The following LCMT2 variants were observed in gnomAD, a reference collection of about 807,000 sequenced individuals.
The protein encoded by LCMT2 is leucine carboxyl methyltransferase 2.
In LCMT2, 34 loss-of-function variants were observed where a neutral mutation model predicts 42.0. The ratio of observed to expected loss-of-function variants is 0.81; its 90% CI spans 0.62 to 1.08. The LOEUF is 1.08. LCMT2 is among the 50% of genes least tolerant of loss of function. LCMT2 has a pLI of 0.00. For synonymous variants in LCMT2, 445 were observed against 369.5 expected, an observed-to-expected ratio of 1.20 and a Z score of -2.34; for missense variants, 1,091 against 889.4, an observed-to-expected ratio of 1.23 and a Z score of -2.88.
chr15:43,329,596 C>G lies in LCMT2; in HGVS notation c.894G>C (p.Glu298Asp). The G allele has an allele frequency of 6.2e-7, 1 of 1,614,178 alleles. No individual in the cohort carries two copies. Among genetic ancestry groups the G allele is most frequent in the Non-Finnish European group, 8.5e-7 (1 of 1,180,032 alleles). Residue 298 changes from glutamate to aspartate, a missense_variant, in exon 1 of 1, where the codon GAG becomes GAC. Transcript: ENST00000305641. ...AATAATGGGCGCACTTCAGATGCCA[C>G]TCCTCAAATTCGTCAAAGGGTTCAA... ...ENIEPFDEFEEWHLKCAHYFI... is the reference protein window; with the variant it reads ...ENIEPFDEFEDWHLKCAHYFI...
Position 43,327,963 on chromosome 15 carries a change from C to CGG in LCMT2, c.*465_*466insCC. 1 of 159,798 alleles carries CGG rather than the reference C, an allele frequency of 6.3e-6. No homozygotes were observed. Among genetic ancestry groups the CGG allele is most frequent in the Admixed American group, 5.8e-5 (1 of 17,132 alleles). The allele number at this position is 159,798 out of a possible 1,614,324, so 9.9% of individuals were successfully genotyped here. ...AATCAAACTGTGACTGTGTTCATTTCAGGTTTCCTACATGAAGAATTGTCA... is the reference window on the plus strand; with the variant it reads ...AATCAAACTGTGACTGTGTTCATTTCGGAGGTTTCCTACATGAAGAATTGTCA... On this transcript the variant is annotated 3_prime_UTR_variant, in exon 1 of 1. Coordinates refer to ENST00000305641, the MANE Select transcript of LCMT2 (RefSeq NM_014793.5).
Position 43,329,410 on chromosome 15 carries a change from G to A in LCMT2, c.1080C>T (p.His360=), listed in dbSNP as rs752412755. Residue 360 remains histidine, a synonymous_variant, in exon 1 of 1, where the codon CAC becomes CAT. Transcript: ENST00000305641. ...GQVPNLKRYG[H]ASVFLSPDVI... ...CGTCTGGGCTCAAGAAGACAGAGGC[G>A]TGGCCATATCTCTTCAGGTTTGGGA... 6.2e-7 allele frequency: 1 copy of A among 1,614,098 alleles called. No individual in the cohort carries two copies. Among genetic ancestry groups the A allele is most frequent in the Non-Finnish European group, 8.5e-7 (1 of 1,180,032 alleles).
At position 43,324,285 on chromosome 15, in the gene LCMT2, A is replaced by G. The variant is rs1172609730; in HGVS notation, c.*4144T>C. 6.6e-6 allele frequency: 1 copy of G among 152,072 alleles called. No homozygotes were observed. Among genetic ancestry groups the G allele is most frequent in the Non-Finnish European group, 1.5e-5 (1 of 68,028 alleles). 9.4% of individuals were successfully genotyped at this position (152,072 alleles called of 1,614,324 possible). ...ACTGAAGTTAAAAGGCTTAATCTTA[A>G]AGTCAAACTAGACATTATTGGACTG... On this transcript the variant is annotated 3_prime_UTR_variant, in exon 1 of 1. Transcript: ENST00000305641.
At position 43,328,398 on chromosome 15, in the gene LCMT2, C is replaced by G; in HGVS notation, c.*31G>C. On this transcript the variant is annotated 3_prime_UTR_variant, in exon 1 of 1. Transcript: ENST00000305641. ...TATTTGTGGAAAACTTTATTGTCTA[C>G]TTTAGTGGGTCCTGAATATTAGTCC... is the stretch of plus-strand genomic sequence containing the variant. 1 of 1,587,746 alleles carries G rather than the reference C, an allele frequency of 6.3e-7. No homozygotes were observed. The highest frequency in any genetic ancestry group is 8.6e-7 in the Non-Finnish European group (1 of 1,167,480).
In LCMT2 at chr15:43,326,969, A is replaced by T. The variant is rs947455912; in HGVS notation, c.*1460T>A. ...TTCTAGGACTAAGAAGAAATACTAA[A>T]GTAATACACTTATTACCACCAAAGC... On this transcript the variant is annotated 3_prime_UTR_variant, in exon 1 of 1. Transcript: ENST00000305641. The T allele has an allele frequency of 6.6e-6, 1 of 152,266 alleles. No homozygotes were observed. Among genetic ancestry groups the T allele is most frequent in the African/African-American group, 2.4e-5 (1 of 41,468 alleles). The allele number at this position is 152,266 out of a possible 1,614,324, so 9.4% of individuals were successfully genotyped here. A position where few individuals can be genotyped will look rare whatever the true frequency, so the allele number is the denominator to read the frequency against.
At position 43,325,486 on chromosome 15, in the gene LCMT2, G is replaced by A. The variant is rs375805192; in HGVS notation, c.*2943C>T. ...GTGCTCTAATGAGTAGAGCTCGAGA[G>A]ATGAATAATTCCTTAACTGAGCATG... On this transcript the variant is annotated 3_prime_UTR_variant, in exon 1 of 1. Coordinates refer to ENST00000305641, the MANE Select transcript of LCMT2 (RefSeq NM_014793.5). 6.6e-6 allele frequency: 1 copy of A among 152,326 alleles called. No homozygotes were observed. Among genetic ancestry groups the A allele is most frequent in the East Asian group, 1.9e-4 (1 of 5,190 alleles). 9.4% of individuals were successfully genotyped at this position (152,326 alleles called of 1,614,324 possible).
rs375100125 is a variant in LCMT2, at chr15:43,330,068, C to G, written c.422G>C (p.Arg141Thr). The change falls in exon 1 of 1, where the codon AGG becomes ACG. Residue 141 changes from arginine (R) to threonine (T), a missense_variant. Coordinates refer to ENST00000305641, the MANE Select transcript of LCMT2 (RefSeq NM_014793.5). ...GCACAGCGCGGACGCGGGCTCCCCC[C>G]TCTCGAAAGGCCCGGTTAACGCGCA... ...ELCALTGPFE[R>T]GEPASALCFE... The G allele has an allele frequency of 2.0e-5, 33 of 1,612,208 alleles. No individual in the cohort carries two copies. Among genetic ancestry groups the G allele is most frequent in the Admixed American group, 5.0e-5 (3 of 60,010 alleles).
In LCMT2 at chr15:43,330,067, C is replaced by A. The variant is rs3742970; in HGVS notation, c.423G>T (p.Arg141Ser). The change falls in exon 1 of 1, where the codon AGG becomes AGT. Residue 141 changes from arginine (R) to serine (S), a missense_variant. Coordinates refer to ENST00000305641, the MANE Select transcript of LCMT2 (RefSeq NM_014793.5). Reference protein sequence around the residue: ...ELCALTGPFERGEPASALCFE... With the variant: ...ELCALTGPFESGEPASALCFE... The stretch of plus-strand genomic sequence containing the variant: ...AGCACAGCGCGGACGCGGGCTCCCC[C>A]CTCTCGAAAGGCCCGGTTAACGCGC... 0.087 allele frequency: 140,888 copies of A among 1,612,304 alleles called. 6,673 individuals are homozygous for A. Among genetic ancestry groups the A allele is most frequent in the East Asian group, 0.13 (6,022 of 44,846 alleles).
At position 43,326,721 on chromosome 15, in the gene LCMT2, C is replaced by T. The variant is rs1298872289; in HGVS notation, c.*1708G>A. On this transcript the variant is annotated 3_prime_UTR_variant, in exon 1 of 1. Coordinates refer to ENST00000305641, the MANE Select transcript of LCMT2 (RefSeq NM_014793.5). ...CGTGAGCCACCATGCCCAGCCTATA[C>T]CACAACCCTCATTCAGCTGGTCTCC... The T allele has an allele frequency of 6.6e-6, 1 of 152,220 alleles. No individual in the cohort carries two copies. Among genetic ancestry groups the T allele is most frequent in the African/African-American group, 2.4e-5 (1 of 41,434 alleles). The allele number at this position is 152,220 out of a possible 1,614,324, so 9.4% of individuals were successfully genotyped here.
Position 43,328,852 on chromosome 15 carries a change from G to A in LCMT2, c.1638C>T (p.Ala546=). Residue 546 remains alanine (A), a synonymous_variant, in exon 1 of 1, where the codon GCC becomes GCT. Coordinates refer to ENST00000305641, the MANE Select transcript of LCMT2 (RefSeq NM_014793.5). ...AAGCCCCGAGACCTCCAGCAATAAGGGCTCCCCCTTGCCAAGTGCAGGCAC... is the reference window on the plus strand; with the variant it reads ...AAGCCCCGAGACCTCCAGCAATAAGAGCTCCCCCTTGCCAAGTGCAGGCAC... ...SHSACTWQGG[A]LIAGGLGASE... 2 of 1,613,706 alleles carry A rather than the reference G, an allele frequency of 1.2e-6. No individual in the cohort carries two copies. Among genetic ancestry groups the A allele is most frequent in the East Asian group, 2.2e-5 (1 of 44,868 alleles).
Position 43,327,997 on chromosome 15 carries a change from C to T in LCMT2, c.*432G>A, listed in dbSNP as rs2043127372. The T allele has an allele frequency of 6.0e-6, 1 of 166,212 alleles. No homozygotes were observed. Among genetic ancestry groups the T allele is most frequent in the African/African-American group, 2.4e-5 (1 of 41,632 alleles). The allele number at this position is 166,212 out of a possible 1,614,324, so 10.3% of individuals were successfully genotyped here. On this transcript the variant is annotated 3_prime_UTR_variant, in exon 1 of 1. Transcript: ENST00000305641. ...TACATGAAGAATTGTCAATACTACG[C>T]TCCCTCAACTATATTCAACCAAGGA...
chr15:43,329,995 G>C lies in LCMT2; in HGVS notation c.495C>G (p.Leu165=), dbSNP rs759739267. 6 of 1,612,538 alleles carry C rather than the reference G, an allele frequency of 3.7e-6. No individual in the cohort carries two copies. In the South Asian group the frequency reaches 5.5e-5, roughly 15 times the overall value. Residue 165 remains leucine (L), a synonymous_variant, in exon 1 of 1, where the codon CTC becomes CTG. Coordinates refer to ENST00000305641, the MANE Select transcript of LCMT2 (RefSeq NM_014793.5). ...CGCCCAGGGCCTCCTCCACTCGCTG[G>C]AGCTGCCGCAAGTCCAGACCCAGGA... ...YCILGLDLRQ[L]QRVEEALGAA... is the part of the protein sequence containing the mutation.
rs1480319588 is a variant in LCMT2 at position 43,323,988 on chromosome 15, C to G, written c.*4441G>C. On this transcript the variant is annotated 3_prime_UTR_variant, in exon 1 of 1. Transcript: ENST00000305641. The stretch of plus-strand genomic sequence containing the variant: ...TCCTTCCCTCAGTCAAGGAACTGCC[C>G]CTTCCCAATCATGTGCTTTCTATCA... The G allele has an allele frequency of 2.0e-5, 3 of 152,136 alleles. No homozygotes were observed. The highest frequency in any genetic ancestry group is 4.4e-5 in the Non-Finnish European group (3 of 68,016). 9.4% of individuals were successfully genotyped at this position (152,136 alleles called of 1,614,324 possible). A position where few individuals can be genotyped will look rare whatever the true frequency, so the allele number is the denominator to read the frequency against.
At position 43,328,495 on chromosome 15, in the gene LCMT2, G is replaced by C. The variant is rs959767689; in HGVS notation, c.1995C>G (p.Ser665=). The C allele has an allele frequency of 6.2e-7, 1 of 1,614,170 alleles. No individual in the cohort carries two copies. The highest frequency in any genetic ancestry group is 8.5e-7 in the Non-Finnish European group (1 of 1,180,030). ...TATGGGGGTTGAAGTAGGTACCAAA[G>C]GAAAAGCAGTTCCCACCACCTCCAA... The part of the protein sequence containing the change: ...LLLGGGGNCF[S]FGTYFNPHTV... The change falls in exon 1 of 1, where the codon TCC becomes TCG. Residue 665 remains serine, a synonymous_variant. Coordinates refer to ENST00000305641, the MANE Select transcript of LCMT2 (RefSeq NM_014793.5).
At position 43,328,530 on chromosome 15, in the gene LCMT2, G is replaced by C; in HGVS notation, c.1960C>G (p.Leu654Val). 1 of 1,614,224 alleles carries C rather than the reference G, an allele frequency of 6.2e-7. No homozygotes were observed. The highest frequency in any genetic ancestry group is 8.5e-7 in the Non-Finnish European group (1 of 1,180,038). Residue 654 changes from leucine to valine, a missense_variant, in exon 1 of 1, where the codon CTC (leucine) becomes GTC (valine). By Grantham distance (32) the Leu-to-Val change is conservative (BLOSUM62 1). Coordinates refer to ENST00000305641, the MANE Select transcript of LCMT2 (RefSeq NM_014793.5). ...TTCCCACCACCTCCAAGGAGCAGGAGCTGTTGCTCTTCAGGAAGAAGGATA... is the reference window on the plus strand; with the variant it reads ...TTCCCACCACCTCCAAGGAGCAGGACCTGTTGCTCTTCAGGAAGAAGGATA... The part of the protein sequence containing the change: ...TSILLPEEQQ[L>V]LLLGGGGNCF...
rs549209395 is a variant in LCMT2, at chr15:43,330,298, C to G, written c.192G>C (p.Arg64Ser). Reference protein sequence around the residue: ...RGYYVRARAVRHCVRAFLEQI... With the variant: ...RGYYVRARAVSHCVRAFLEQI... ...GCTCCAAAAAAGCGCGCACGCAGTGCCTCACGGCGCGTGCGCGGACGTAGT... is the reference window on the plus strand; with the variant it reads ...GCTCCAAAAAAGCGCGCACGCAGTGGCTCACGGCGCGTGCGCGGACGTAGT... The change falls in exon 1 of 1, where the codon AGG (arginine) becomes AGC (serine). Residue 64 changes from arginine (R) to serine (S), a missense_variant. Physicochemically the swap from Arg to Ser is moderately radical, Grantham distance 110 (BLOSUM62 -1). Transcript: ENST00000305641. The G allele has an allele frequency of 4.4e-6, 7 of 1,593,378 alleles. No homozygotes were observed. Among genetic ancestry groups the G allele is most frequent in the Non-Finnish European group, 6.0e-6 (7 of 1,175,986 alleles).
rs1320742528 is a variant in LCMT2 at position 43,330,246 on chromosome 15, G to C, written c.244C>G (p.Arg82Gly). The C allele has an allele frequency of 1.1e-5, 18 of 1,605,822 alleles. No individual in the cohort carries two copies. Among genetic ancestry groups the C allele is most frequent in the East Asian group, 2.2e-5 (1 of 44,830 alleles). Residue 82 changes from arginine to glycine, a missense_variant, in exon 1 of 1, where the codon CGC becomes GGC. By Grantham distance (125) the Arg-to-Gly change is moderately radical. Coordinates refer to ENST00000305641, the MANE Select transcript of LCMT2 (RefSeq NM_014793.5). ...GCGCCGAGAGACAAGATCTGCGCGC[G>C]AAGCGCGGCCTGGGGCGCGCCAATC... ...EQIGAPQAAL[R>G]AQILSLGAGF... is the part of the protein sequence containing the mutation.
In LCMT2 at chr15:43,325,401, T is replaced by C. The variant is rs538632723; in HGVS notation, c.*3028A>G. The C allele has an allele frequency of 6.6e-6, 1 of 152,360 alleles. No homozygotes were observed. Among genetic ancestry groups the C allele is most frequent in the Admixed American group, 6.5e-5 (1 of 15,306 alleles). 9.4% of individuals were successfully genotyped at this position (152,360 alleles called of 1,614,324 possible). A position where few individuals can be genotyped will look rare whatever the true frequency, so the allele number is the denominator to read the frequency against. ...TGTTAATGAAACTGTGGTTCAACGC[T>C]AGTCTATATTGAATGCTGCTCCAAA... On this transcript the variant is annotated 3_prime_UTR_variant, in exon 1 of 1. Coordinates refer to ENST00000305641, the MANE Select transcript of LCMT2 (RefSeq NM_014793.5).
chr15:43,328,319 A>G lies in LCMT2; in HGVS notation c.*110T>C. 2 of 1,207,030 alleles carry G rather than the reference A, an allele frequency of 1.7e-6. No individual in the cohort carries two copies. The highest frequency in any genetic ancestry group is 2.3e-6 in the Non-Finnish European group (2 of 858,552). 74.8% of individuals were successfully genotyped at this position (1,207,030 alleles called of 1,614,324 possible). A position where few individuals can be genotyped will look rare whatever the true frequency, so the allele number is the denominator to read the frequency against. On this transcript the variant is annotated 3_prime_UTR_variant, in exon 1 of 1. Coordinates refer to ENST00000305641, the MANE Select transcript of LCMT2 (RefSeq NM_014793.5). ...TTTTTGCACTGAATAGTGCTAAGGG[A>G]AAAAAAGGATGGGGAAAGGAGGAGT...
Sources: allele counts gnomAD v4.1 joint callset, GRCh38; gene constraint gnomAD v4.1.1; transcripts MANE v1.5; gene names NCBI Gene and HGNC (gene_info 2026-07-23, HGNC 2026-07-21).